OR9G1: variants seen among roughly 807,000 people sequenced by gnomAD.
OR9G1 encodes the protein olfactory receptor 9G1.
In OR9G1, 21 loss-of-function variants were observed where a neutral mutation model predicts 14.5. That is an observed-to-expected ratio of 1.45 (90% CI 1.03 to 2.09). OR9G1 has a LOEUF of 2.09. Ranked by LOEUF, OR9G1 falls within the 30% of genes most tolerant of loss-of-function variation. OR9G1 has a pLI of 0.00. For synonymous variants in OR9G1, 179 were observed against 153.3 expected, an observed-to-expected ratio of 1.17 and a Z score of -1.24; for missense variants, 476 against 364.2, an observed-to-expected ratio of 1.31 and a Z score of -2.50.
Position 56,701,558 on chromosome 11 carries a change from C to T in OR9G1, c.*253C>T, listed in dbSNP as rs1319127001. On this transcript the variant is annotated 3_prime_UTR_variant, in exon 2 of 2. Transcript: ENST00000642097. Reference sequence around the variant, plus strand: ...CTTAAGCCCAAAACCTCTCCTATACCTTCATAAAGTGAGGAACAGCCTACC... The same window carrying T: ...CTTAAGCCCAAAACCTCTCCTATACTTTCATAAAGTGAGGAACAGCCTACC... The T allele has an allele frequency of 5.6e-6, 3 of 532,644 alleles. No individual in the cohort carries two copies. Among genetic ancestry groups the T allele is most frequent in the African/African-American group, 4.0e-5 (2 of 50,490 alleles). 33.0% of individuals were successfully genotyped at this position (532,644 alleles called of 1,614,324 possible). A position where few individuals can be genotyped will look rare whatever the true frequency, so the allele number is the denominator to read the frequency against.
rs1409006707 is a variant in OR9G1 at position 56,703,838 on chromosome 11, T to C, written c.*2533T>C. On this transcript the variant is annotated 3_prime_UTR_variant, in exon 2 of 2. Coordinates refer to ENST00000642097, the MANE Select transcript of OR9G1 (RefSeq NM_001005213.2). Reference sequence around the variant, plus strand: ...GCTCGCTAAGTGCATATTCATATTATTTTATACTTGGAAGTTAGCTCTAGA... The same window carrying C: ...GCTCGCTAAGTGCATATTCATATTACTTTATACTTGGAAGTTAGCTCTAGA... The C allele has an allele frequency of 0.017, 2 of 116 alleles. No individual in the cohort carries two copies. The highest frequency in any genetic ancestry group is 0.045 in the Non-Finnish European group (2 of 44). The allele number at this position is 116 out of a possible 1,614,324, so 0.0% of individuals were successfully genotyped here.
Position 56,700,973 on chromosome 11 carries a change from A to G in OR9G1, c.586A>G (p.Ile196Val), listed in dbSNP as rs78119083. 6.2e-7 allele frequency: 1 copy of G among 1,609,734 alleles called. No individual in the cohort carries two copies. The highest frequency in any genetic ancestry group is 2.2e-5 in the East Asian group (1 of 44,592). ...CTGTGGCGAGAAGGGCGGCTATAAA[A>G]TTATGATGTACTTCCTGCTGGCCTC... ...LACGEKGGYKIMMYFLLASNV... is the reference protein window; with the variant it reads ...LACGEKGGYKVMMYFLLASNV... Residue 196 changes from isoleucine (I) to valine (V), a missense_variant, in exon 2 of 2, where the codon ATT (isoleucine) becomes GTT (valine). Coordinates refer to ENST00000642097, the MANE Select transcript of OR9G1 (RefSeq NM_001005213.2).
chr11:56,701,029 G>A lies in OR9G1; in HGVS notation c.642G>A (p.Leu214=). The A allele has an allele frequency of 6.2e-7, 1 of 1,614,280 alleles. No individual in the cohort carries two copies. The highest frequency in any genetic ancestry group is 1.1e-5 in the South Asian group (1 of 91,092). ...TCATCTGCCCCGCAGTGCTCATCCT[G>A]GCCTCCTACCTCTTTATCATCACCA... ...SNVICPAVLI[L]ASYLFIITSV... The change falls in exon 2 of 2, where the codon CTG becomes CTA. Residue 214 remains leucine (L), a synonymous_variant. Transcript: ENST00000642097.
intron 1 of OR9G1, among the ~76,000 whole-genome samples, chr11:56,700,087 AAAGG>A: frequency 6.6e-6 from 1 of 152,408 alleles, no homozygotes; most frequent in Admixed American, 6.5e-5. Flanking sequence ...AAAATTGACA[AAAGG>A]AAGAGGATCA....
chr11:56,700,619 C>G lies in OR9G1; in HGVS notation c.232C>G (p.Pro78Ala). The G allele has an allele frequency of 1.2e-6, 2 of 1,614,314 alleles. No individual in the cohort carries two copies. The highest frequency in any genetic ancestry group is 1.7e-5 in the Admixed American group (1 of 60,032). ...LDLWYSSVYTPKILVTCISED... is the reference protein window; with the variant it reads ...LDLWYSSVYTAKILVTCISED... ...TCTCTGGTATTCTTCTGTCTACACCCCAAAGATCCTAGTGACCTGCATCTC... is the reference window on the plus strand; with the variant it reads ...TCTCTGGTATTCTTCTGTCTACACCGCAAAGATCCTAGTGACCTGCATCTC... The change falls in exon 2 of 2, where the codon CCA (proline) becomes GCA (alanine). Residue 78 changes from proline to alanine, a missense_variant. Pro to Ala is a conservative substitution (Grantham distance 27). This residue lies in a region of OR9G1 where 35 missense variants were observed against 67.6 expected (regional missense o/e 0.52). Coordinates refer to ENST00000642097, the MANE Select transcript of OR9G1 (RefSeq NM_001005213.2).
chr11:56,701,318 T>G lies in OR9G1; in HGVS notation c.*13T>G, dbSNP rs367889209. The G allele has an allele frequency of 1.3e-6, 2 of 1,587,618 alleles. No homozygotes were observed. The highest frequency in any genetic ancestry group is 2.7e-5 in the African/African-American group (2 of 73,908). On this transcript the variant is annotated 3_prime_UTR_variant, in exon 2 of 2. Transcript: ENST00000642097. ...ACTTCTCCCATAAATCAAGATTATC[T>G]CCACCAGAGGAGAAACAAAGACGAC... is the stretch of plus-strand genomic sequence containing the variant.
chr11:56,701,287 GA>G lies in OR9G1; in HGVS notation c.906del (p.Lys302AsnfsTer19). The stretch of plus-strand genomic sequence containing the variant: ...GGAATAAGGATGTGAAAGAGGCTCT[GA>G]AAAAACTTCTCCCATAAATCAAGAT... ...LRNKDVKEAL[K>X]KLLP On this transcript the variant is annotated frameshift_variant, in exon 2 of 2. Transcript: ENST00000642097. LOFTEE classifies it high-confidence loss of function. The G allele has an allele frequency of 2.5e-6, 4 of 1,604,056 alleles. No homozygotes were observed. Among genetic ancestry groups the G allele is most frequent in the Non-Finnish European group, 3.4e-6 (4 of 1,177,234 alleles).
At position 56,700,789 on chromosome 11, in the gene OR9G1, C is replaced by T. The variant is rs1857609863; in HGVS notation, c.402C>T (p.Ala134=). ...CCAAGCCCCTGCTTTATGCCCAGGC[C>T]ATGTCCATAAAGCTGTGTGCATTGC... ...AISKPLLYAQ[A]MSIKLCALLV... Residue 134 remains alanine (A), a synonymous_variant, in exon 2 of 2, where the codon GCC becomes GCT. Coordinates refer to ENST00000642097, the MANE Select transcript of OR9G1 (RefSeq NM_001005213.2). 1 of 1,614,320 alleles carries T rather than the reference C, an allele frequency of 6.2e-7. No individual in the cohort carries two copies. Among genetic ancestry groups the T allele is most frequent in the Non-Finnish European group, 8.5e-7 (1 of 1,180,062 alleles).
At position 56,701,811 on chromosome 11, in the gene OR9G1, C is replaced by G. The variant is rs917030930; in HGVS notation, c.*506C>G. On this transcript the variant is annotated 3_prime_UTR_variant, in exon 2 of 2. Coordinates refer to ENST00000642097, the MANE Select transcript of OR9G1 (RefSeq NM_001005213.2). Reference sequence around the variant, plus strand: ...GAGGCACCCAAGAAATAACTCAGTACAAATGAGACCCAGAAAGGCATGACC... The same window carrying G: ...GAGGCACCCAAGAAATAACTCAGTAGAAATGAGACCCAGAAAGGCATGACC... The G allele has an allele frequency of 1.3e-5, 2 of 152,152 alleles. No individual in the cohort carries two copies. Among genetic ancestry groups the G allele is most frequent in the Admixed American group, 6.6e-5 (1 of 15,206 alleles). The allele number at this position is 152,152 out of a possible 1,614,324, so 9.4% of individuals were successfully genotyped here. A position where few individuals can be genotyped will look rare whatever the true frequency, so the allele number is the denominator to read the frequency against.
chr11:56,701,232 C>G lies in OR9G1; in HGVS notation c.845C>G (p.Pro282Arg). Residue 282 changes from proline to arginine, a missense_variant, in exon 2 of 2, where the codon CCC (proline) becomes CGC (arginine). Pro to Arg is a moderately radical substitution (Grantham distance 103). Transcript: ENST00000642097. ...TCTACATTTTACACTGTGGTATTCCCCATGTTGAATCTCATGATCTACAGC... is the reference window on the plus strand; with the variant it reads ...TCTACATTTTACACTGTGGTATTCCGCATGTTGAATCTCATGATCTACAGC... ...IVSTFYTVVFPMLNLMIYSLR... is the reference protein window; with the variant it reads ...IVSTFYTVVFRMLNLMIYSLR... The G allele has an allele frequency of 6.2e-7, 1 of 1,614,258 alleles. No individual in the cohort carries two copies. The highest frequency in any genetic ancestry group is 1.1e-5 in the South Asian group (1 of 91,088).
chr11:56,700,787 G>A lies in OR9G1; in HGVS notation c.400G>A (p.Ala134Thr). 3 of 1,614,320 alleles carry A rather than the reference G, an allele frequency of 1.9e-6. No homozygotes were observed. Among genetic ancestry groups the A allele is most frequent in the Non-Finnish European group, 2.5e-6 (3 of 1,180,062 alleles). The change falls in exon 2 of 2, where the codon GCC becomes ACC. Residue 134 changes from alanine (A) to threonine (T), a missense_variant. By Grantham distance (58) the Ala-to-Thr change is moderately conservative. This residue lies in a region of OR9G1 where 352 missense variants were observed against 211.6 expected (regional missense o/e 1.66). Coordinates refer to ENST00000642097, the MANE Select transcript of OR9G1 (RefSeq NM_001005213.2). ...AISKPLLYAQ[A>T]MSIKLCALLV... ...CTCCAAGCCCCTGCTTTATGCCCAG[G>A]CCATGTCCATAAAGCTGTGTGCATT...
rs769455317 is a variant in OR9G1 at position 56,700,902 on chromosome 11, T to C, written c.515T>C (p.Ile172Thr). 3 of 1,614,268 alleles carry C rather than the reference T, an allele frequency of 1.9e-6. No individual in the cohort carries two copies. The highest frequency in any genetic ancestry group is 8.5e-7 in the Non-Finnish European group (1 of 1,180,014). ...TCCTTTAACTTCTGCCGTGAAAACA[T>C]CATTGATGACTTTTTCTGTGATTTG... The part of the protein sequence containing the change: ...TFSFNFCREN[I>T]IDDFFCDLLP... The change falls in exon 2 of 2, where the codon ATC becomes ACC. Residue 172 changes from isoleucine (I) to threonine (T), a missense_variant. Physicochemically the swap from Ile to Thr is moderately conservative, Grantham distance 89 (BLOSUM62 -1). This residue lies in a region of OR9G1 where 352 missense variants were observed against 211.6 expected (regional missense o/e 1.66). Transcript: ENST00000642097.
rs1857624074 is a variant in OR9G1 at position 56,701,181 on chromosome 11, A to T, written c.794A>T (p.Tyr265Phe). The T allele has an allele frequency of 6.2e-7, 1 of 1,614,192 alleles. No individual in the cohort carries two copies. Among genetic ancestry groups the T allele is most frequent in the Admixed American group, 1.7e-5 (1 of 60,018 alleles). The stretch of plus-strand genomic sequence containing the variant: ...ATCTACGCTCTCCCCAGATCTAGCT[A>T]TTCTTTTGATATGGACAAAATAGTT... ...LYIYALPRSS[Y>F]SFDMDKIVST... Residue 265 changes from tyrosine to phenylalanine, a missense_variant, in exon 2 of 2, where the codon TAT becomes TTT. Tyr to Phe is a conservative substitution (Grantham distance 22). This residue lies in a region of OR9G1 where 352 missense variants were observed against 211.6 expected (regional missense o/e 1.66). Coordinates refer to ENST00000642097, the MANE Select transcript of OR9G1 (RefSeq NM_001005213.2).
At chr11:56,699,261 AG>A (rs1857564486) in intron 1 of OR9G1, 71 bp downstream of exon 1, 1 of 152,394 alleles carries the variant, frequency 6.6e-6, no homozygotes, top group Admixed American at 6.5e-5. Flanking sequence ...CAAACGCTGC[AG>A]GTAGATCTAA....
rs1158280877 is a variant in OR9G1, at chr11:56,701,074, C to G, written c.687C>G (p.Ser229=). The part of the protein sequence containing the change: ...FIITSVLRIS[S]SKGYLKAFST... The stretch of plus-strand genomic sequence containing the variant: ...TCACCAGTGTCTTGAGGATCTCCTC[C>G]TCCAAGGGCTACCTCAAAGCCTTCT... Residue 229 remains serine (S), a synonymous_variant, in exon 2 of 2, where the codon TCC becomes TCG. Transcript: ENST00000642097. The G allele has an allele frequency of 6.2e-7, 1 of 1,614,182 alleles. No individual in the cohort carries two copies. Among genetic ancestry groups the G allele is most frequent in the African/African-American group, 1.3e-5 (1 of 74,966 alleles).
chr11:56,700,248 AAAAC>A (rs1442865211), intron 1 of OR9G1, 118 bp from the exon 2 acceptor site: 11 of 1,413,794 alleles, frequency 7.8e-6, no homozygotes, highest in Admixed American at 2.9e-5. Context: ...AAGACTTTCT[AAAAC>A]AAACAATTAG....
chr11:56,699,394 ACT>A (rs1480269062), intron 1 of OR9G1, among the ~76,000 whole-genome samples: 1 of 152,310 alleles, frequency 6.6e-6, no homozygotes, highest in Non-Finnish European at 1.5e-5. Context: ...CAGAAATAAC[ACT>A]GTTTACTAAC....
Position 56,701,575 on chromosome 11 carries a change from C to T in OR9G1, c.*270C>T. ...TCCTATACCTTCATAAAGTGAGGAA[C>T]AGCCTACCTCATTAGCCTAAGATTT... On this transcript the variant is annotated 3_prime_UTR_variant, in exon 2 of 2. Transcript: ENST00000642097. The T allele has an allele frequency of 2.2e-6, 1 of 459,428 alleles. No individual in the cohort carries two copies. The highest frequency in any genetic ancestry group is 3.7e-6 in the Non-Finnish European group (1 of 268,538). 28.5% of individuals were successfully genotyped at this position (459,428 alleles called of 1,614,324 possible).
rs75652723 is a variant in OR9G1, at chr11:56,703,062, A to C, written c.*1757A>C. 7 of 11,376 alleles carry C rather than the reference A, an allele frequency of 6.2e-4. No individual in the cohort carries two copies. The highest frequency in any genetic ancestry group is 1.5e-3 in the African/African-American group (5 of 3,442). 0.7% of individuals were successfully genotyped at this position (11,376 alleles called of 1,614,324 possible). On this transcript the variant is annotated 3_prime_UTR_variant, in exon 2 of 2. Coordinates refer to ENST00000642097, the MANE Select transcript of OR9G1 (RefSeq NM_001005213.2). ...TGGTTTATCAATATGAATAAAATTTAAAAAACAAAAAGATGAATATGACAA... is the reference window on the plus strand; with the variant it reads ...TGGTTTATCAATATGAATAAAATTTCAAAAACAAAAAGATGAATATGACAA...
Sources: allele counts gnomAD v4.1 joint callset (sites outside exome capture counted in the v4.1 genomes callset), GRCh38; gene constraint gnomAD v4.1.1; regional missense constraint gnomAD v4.1.1; transcripts MANE v1.5; gene names NCBI Gene and HGNC (gene_info 2026-07-23, HGNC 2026-07-21).